Variants in PTPN11 observed in about 807,000 individuals in gnomAD.
The protein encoded by PTPN11 is tyrosine-protein phosphatase non-receptor type 11.
Under a neutral mutation model 78.8 loss-of-function variants are expected in PTPN11, and 6 were observed. The ratio of observed to expected loss-of-function variants is 0.08; its 90% CI spans 0.04 to 0.15. PTPN11 has a LOEUF of 0.15. Ranked by LOEUF, PTPN11 falls within the 10% of genes least tolerant of loss-of-function variation. The pLI is 1.00. For missense variants in PTPN11, 386 were observed against 744.8 expected (o/e 0.52, Z 5.61); for synonymous variants, 221 against 263.5 (o/e 0.84, Z 1.56).
chr12:112,490,594 C>G (rs571684932), intron 13 of PTPN11, among the ~76,000 whole-genome samples: 18 of 152,154 alleles, frequency 1.2e-4, no homozygotes, highest in African/African-American at 3.9e-4. Flanking sequence ...AAATTTGTGG[C>G]TCCATGCCCG....
At chr12:112,419,238 G>A (rs1802949098) in intron 1 of PTPN11, 113 bp downstream of exon 1, 1 of 1,159,042 alleles carries the variant, frequency 8.6e-7, no homozygotes, top group South Asian at 2.2e-5. Flanking sequence ...GCCCCGGGTC[G>A]GGGTTGGGGG....
rs2037471063 is a variant in PTPN11 at position 112,419,026 on chromosome 12, C to T, written c.-86C>T. 7 of 1,512,232 alleles carry T rather than the reference C, an allele frequency of 4.6e-6. No homozygotes were observed. Among genetic ancestry groups the T allele is most frequent in the African/African-American group, 1.4e-5 (1 of 70,774 alleles). The allele number at this position is 1,512,232 out of a possible 1,614,324, so 93.7% of individuals were successfully genotyped here. A position where few individuals can be genotyped will look rare whatever the true frequency, so the allele number is the denominator to read the frequency against. On this transcript the variant is annotated 5_prime_UTR_variant, in exon 1 of 16. Transcript: ENST00000351677. ...GCCCCGCGTCCGGTCCCGAGCGGGCCTCCCTCGGGCCAGCCCGATGTGACC... is the reference window on the plus strand; with the variant it reads ...GCCCCGCGTCCGGTCCCGAGCGGGCTTCCCTCGGGCCAGCCCGATGTGACC...
chr12:112,491,440 A>G (rs1172228962), intron 13 of PTPN11, among the ~76,000 whole-genome samples: 1 of 152,198 alleles, frequency 6.6e-6, no homozygotes, highest in African/African-American at 2.4e-5. Flanking sequence ...GTTGGTTACA[A>G]ACATTTATAC....
chr12:112,477,758 T>A (rs2135901549), intron 8 of PTPN11, 28 bp downstream of exon 8: 1 of 1,606,050 alleles, frequency 6.2e-7, no homozygotes, highest in Non-Finnish European at 8.5e-7. Flanking sequence ...CAGTGTTTTC[T>A]GACCATACAT....
chr12:112,434,843 G>A (rs1249394534), intron 1 of PTPN11, among the ~76,000 whole-genome samples: 1 of 151,656 alleles, frequency 6.6e-6, no homozygotes, highest in African/African-American at 2.4e-5. Flanking sequence ...CTGGGGTGCA[G>A]TGGTGCAATC....
chr12:112,420,401 A>G (rs1290202811), intron 1 of PTPN11, among the ~76,000 whole-genome samples: 1 of 150,828 alleles, frequency 6.6e-6, no homozygotes, highest in African/African-American at 2.4e-5. Flanking sequence ...GCTGGAGTGC[A>G]GTGGCGCAAT....
chr12:112,469,410 T>G (rs1044001352), intron 6 of PTPN11, among the ~76,000 whole-genome samples: 1 of 152,154 alleles, frequency 6.6e-6, no homozygotes, highest in Admixed American at 6.6e-5. Context: ...CTAGGTAGAA[T>G]TTGATAATAT....
chr12:112,454,904 C>T, intron 5 of PTPN11: 4 of 567,012 alleles, frequency 7.1e-6, no homozygotes, highest in Admixed American at 2.5e-5. Flanking sequence ...ACTACAACCT[C>T]TGCTTCCTGG....
intron 6 of PTPN11, 22 bp from the exon 7 acceptor site, chr12:112,472,922 A>T (rs1592843784): frequency 6.4e-7 from 1 of 1,560,818 alleles, no homozygotes; most frequent in East Asian, 2.2e-5. Context: ...ACGTAATAAT[A>T]TTGACTTTTC....
At chr12:112,477,495 G>A (rs905153585) in intron 7 of PTPN11, among the ~76,000 whole-genome samples, 156 bp from the exon 8 acceptor site, 2 of 152,056 alleles carry the variant, frequency 1.3e-5, no homozygotes, top group East Asian at 3.9e-4. Context: ...CAGTGTTCAC[G>A]TTACTGTTTT....
chr12:112,502,077 C>A, intron 13 of PTPN11, 67 bp from the exon 14 acceptor site: 4 of 1,292,698 alleles, frequency 3.1e-6, no homozygotes, highest in Non-Finnish European at 4.5e-6. Flanking sequence ...GGGCAAAATA[C>A]CTTTTTTGCT....
Position 112,504,690 on chromosome 12 carries a change from T to G in PTPN11, c.1713-5T>G. ...TAAATGTCTTTCTTTTTCTTTTCTC[T>G]CCAGAATGAGAGAAGACAGTGCTAG... On this transcript the variant is annotated splice_polypyrimidine_tract_variant and splice_region_variant and intron_variant, in intron 14 of 15. Coordinates refer to ENST00000351677, the MANE Select transcript of PTPN11 (RefSeq NM_002834.5). The surrounding 1 kb of genome is among the most constrained non-coding windows in gnomAD (Gnocchi z 4.7). 1.9e-6 allele frequency: 3 copies of G among 1,562,950 alleles called. No homozygotes were observed. Among genetic ancestry groups the G allele is most frequent in the African/African-American group, 1.4e-5 (1 of 73,766 alleles).
chr12:112,503,575 T>C (rs1267471827), intron 14 of PTPN11, among the ~76,000 whole-genome samples: 1 of 152,210 alleles, frequency 6.6e-6, no homozygotes, highest in Non-Finnish European at 1.5e-5. Flanking sequence ...TCTTTCCCAG[T>C]GGACTGCCTG....
intron 1 of PTPN11, among the ~76,000 whole-genome samples, chr12:112,421,757 A>G (rs1280366328): frequency 6.6e-6 from 1 of 151,952 alleles, no homozygotes; most frequent in Non-Finnish European, 1.5e-5. Context: ...CTTTCCGGTT[A>G]CTGGGGCTAC....
intron 1 of PTPN11, among the ~76,000 whole-genome samples, chr12:112,426,859 A>G (rs2037623702): frequency 6.6e-6 from 1 of 151,366 alleles, no homozygotes; most frequent in Non-Finnish European, 1.5e-5. Context: ...CTGGTCTTGA[A>G]CTCTGGGGCT....
At chr12:112,451,354 T>C (rs958169817) in intron 3 of PTPN11, among the ~76,000 whole-genome samples, 1 of 152,206 alleles carries the variant, frequency 6.6e-6, no homozygotes, top group African/African-American at 2.4e-5. Flanking sequence ...GAAGAATAAC[T>C]CAAAGTTTAT....
Position 112,455,965 on chromosome 12 carries a change from C to T in PTPN11, c.658C>T (p.Arg220Cys), listed in dbSNP as rs2135872268. The T allele has an allele frequency of 1.9e-6, 3 of 1,606,356 alleles. No individual in the cohort carries two copies. The highest frequency in any genetic ancestry group is 2.6e-6 in the Non-Finnish European group (3 of 1,174,822). Residue 220 changes from arginine to cysteine, a missense_variant, in exon 6 of 16, where the codon CGT becomes TGT. Arg to Cys is a radical substitution (Grantham distance 180). Coordinates refer to ENST00000351677, the MANE Select transcript of PTPN11 (RefSeq NM_002834.5). ...ACTCGATCAGCCCCTTAACACGACT[C>T]GTATAAATGCTGCTGAAATAGAAAG... The part of the protein sequence containing the change: ...LQLKQPLNTT[R>C]INAAEIESRV...
At chr12:112,448,218 CT>C (rs1195467615) in intron 2 of PTPN11, among the ~76,000 whole-genome samples, 248 of 141,470 alleles carry the variant, frequency 1.8e-3, no homozygotes, top group African/African-American at 3.0e-3. Flanking sequence ...TTCTTTTTTT[CT>C]TTTTTTTTTT....
In PTPN11 at chr12:112,465,572, GT is replaced by G. The variant is rs200172812; in HGVS notation, c.757-7371del. Among the ~76,000 whole-genome samples the G allele has an allele frequency of 5.8e-4, 89 of 152,262 alleles. 2 individuals carry two copies. In the East Asian group the frequency reaches 0.016, roughly 28 times the overall value. ...GTGGGACCCAGGTTGTGGATGGACT[GT>G]CTCTCGGGCTTTCTTCTTTCCATTC... On this transcript the variant is annotated intron_variant, in intron 6 of 15. Transcript: ENST00000351677.
Sources: allele counts gnomAD v4.1 joint callset (sites outside exome capture counted in the v4.1 genomes callset), GRCh38; gene constraint gnomAD v4.1.1; non-coding constraint Gnocchi (gnomAD v3.1); transcripts MANE v1.5; gene names NCBI Gene and HGNC (gene_info 2026-07-23, HGNC 2026-07-21).